IGSF22: variants seen among roughly 807,000 people sequenced by gnomAD.
The protein encoded by IGSF22 is immunoglobulin superfamily, member 22.
In IGSF22, 119 loss-of-function variants were observed where a neutral mutation model predicts 127.0. The ratio of observed to expected loss-of-function variants is 0.94; its 90% CI spans 0.81 to 1.09. The LOEUF is 1.09. Among genes scored for constraint, IGSF22 ranks in the 50% least tolerant of loss-of-function variants. The pLI is 0.00. For missense variants in IGSF22, 1,518 were observed against 1,716.6 expected, an observed-to-expected ratio of 0.88 and a Z score of 2.04; for synonymous variants, 568 against 664.7, an observed-to-expected ratio of 0.85 and a Z score of 2.24.
chr11:18,721,479 T>A, intron 4 of IGSF22, 56 bp downstream of exon 4: 1 of 1,611,662 alleles, frequency 6.2e-7, no homozygotes, highest in Middle Eastern at 1.7e-4. Flanking sequence ...CGGCCCGCCC[T>A]GGGGGTCCCT....
chr11:18,715,775 T>A, intron 10 of IGSF22, 59 bp from the exon 11 acceptor site: 1 of 1,544,278 alleles, frequency 6.5e-7, no homozygotes, highest in Non-Finnish European at 8.8e-7. Context: ...TTTCTGCAGC[T>A]ATAGAGCCAA....
chr11:18,706,293 T>C (rs1250693355), intron 21 of IGSF22, 147 bp from the exon 22 acceptor site: 2 of 794,044 alleles, frequency 2.5e-6, no homozygotes, highest in Non-Finnish European at 3.9e-6. Context: ...GTTACACTGG[T>C]TCTTAAGGGC....
intron 7 of IGSF22, among the ~76,000 whole-genome samples, chr11:18,719,309 G>A (rs1848521077): frequency 5.5e-5 from 5 of 90,608 alleles, no homozygotes; most frequent in Middle Eastern, 5.2e-3. Context: ...CACACCCAGC[G>A]GTTTTTTTTT....
chr11:18,714,101 C>A lies in IGSF22; in HGVS notation c.1846G>T (p.Ala616Ser). The A allele has an allele frequency of 1.9e-6, 3 of 1,614,184 alleles. No homozygotes were observed. The highest frequency in any genetic ancestry group is 1.7e-6 in the Non-Finnish European group (2 of 1,180,010). Residue 616 changes from alanine to serine, a missense_variant, in exon 14 of 23, where the codon GCC (alanine) becomes TCC (serine). By Grantham distance (99) the Ala-to-Ser change is moderately conservative. This residue lies in a region of IGSF22 where 1,456 missense variants were observed against 1,644.9 expected (regional missense o/e 0.89). Coordinates refer to ENST00000513874, the MANE Select transcript of IGSF22 (RefSeq NM_173588.4). ...GTGTGGCCTACCTTCACAGTGATGG[C>A]GTGCGCAGCCAGTGCCTCCAGTACT... ...PSVLEALAAH[A>S]ITVKVGHTAH... is the part of the protein sequence containing the mutation.
At chr11:18,724,038 T>C (rs1170219825) in intron 2 of IGSF22, 90 bp downstream of exon 2, 1 of 972,798 alleles carries the variant, frequency 1.0e-6, no homozygotes, top group Non-Finnish European at 1.6e-6. Flanking sequence ...GAGGGGCCCA[T>C]TAGTGGCAAA....
Position 18,722,001 on chromosome 11 carries a change from G to A in IGSF22, c.150C>T (p.Phe50=). The A allele has an allele frequency of 6.2e-7, 1 of 1,614,106 alleles. No homozygotes were observed. Among genetic ancestry groups the A allele is most frequent in the Non-Finnish European group, 8.5e-7 (1 of 1,180,038 alleles). The change falls in exon 3 of 23, where the codon TTC becomes TTT. Residue 50 remains phenylalanine, a synonymous_variant. Transcript: ENST00000513874. ...VRRKSSSIVE[F]FSLVTRSSNI... is the part of the protein sequence containing the mutation. ...TTGAGCTCCGGGTCACTAAGCTGAA[G>A]AACTCCACTATGCTCGAGGACTTCC...
chr11:18,706,180 GCCCCAA>G (rs1269851348), intron 21 of IGSF22, 34 bp from the exon 22 acceptor site: 2 of 1,504,454 alleles, frequency 1.3e-6, no homozygotes, highest in South Asian at 2.5e-5. Context: ...CCGTGAGGGC[GCCCCAA>G]GGCCCCCACC....
In IGSF22 at chr11:18,709,268, A is replaced by G; in HGVS notation, c.2998+119T>C. Reference sequence around the variant, plus strand: ...CTAACTTTGTCCAGGCACAACAACTATGGATGACTTTTTCATGATCCTAGC... The same window carrying G: ...CTAACTTTGTCCAGGCACAACAACTGTGGATGACTTTTTCATGATCCTAGC... On this transcript the variant is annotated intron_variant, in intron 18 of 22. Transcript: ENST00000513874. This position sits in a 1 kb window ranked among gnomAD's most constrained non-coding sequence, Gnocchi z 4.8. 3 of 1,071,692 alleles carry G rather than the reference A, an allele frequency of 2.8e-6. No homozygotes were observed. Among genetic ancestry groups the G allele is most frequent in the Non-Finnish European group, 4.0e-6 (3 of 745,612 alleles). 66.4% of individuals were successfully genotyped at this position (1,071,692 alleles called of 1,614,324 possible).
At chr11:18,718,195 C>A in intron 8 of IGSF22, 102 bp from the exon 9 acceptor site, 1 of 1,070,714 alleles carries the variant, frequency 9.3e-7, no homozygotes, top group South Asian at 1.5e-5. Flanking sequence ...GGTGCATGTC[C>A]AACCCTCTAA....
chr11:18,719,608 G>T, intron 7 of IGSF22, 108 bp downstream of exon 7: 1 of 1,047,086 alleles, frequency 9.6e-7, no homozygotes, highest in Non-Finnish European at 1.4e-6. Flanking sequence ...CTGAGTATGT[G>T]TGTGCAGAAC....
intron 2 of IGSF22, among the ~76,000 whole-genome samples, chr11:18,723,765 T>C (rs930229492): frequency 2.0e-5 from 3 of 152,246 alleles, no homozygotes; most frequent in Non-Finnish European, 2.9e-5. Context: ...ATTACTGATA[T>C]GTAGATAAGG....
Position 18,713,920 on chromosome 11 carries a change from C to T in IGSF22, c.2027G>A (p.Gly676Asp), listed in dbSNP as rs1564871368. 3 of 1,614,246 alleles carry T rather than the reference C, an allele frequency of 1.9e-6. No homozygotes were observed. In the Admixed American group the frequency reaches 5.0e-5, roughly 27 times the overall value. Reference protein sequence around the residue: ...TISNCVREDSGLILLKLKNDH... With the variant: ...TISNCVREDSDLILLKLKNDH... ...ATTCTTGAGCTTGAGCAGGATGAGG[C>T]CGCTGTCTTCACGCACACAGTTGGA... The change falls in exon 14 of 23, where the codon GGC becomes GAC. Residue 676 changes from glycine (G) to aspartate (D), a missense_variant. Gly to Asp is a moderately conservative substitution (Grantham distance 94). This residue lies in a region of IGSF22 where 1,456 missense variants were observed against 1,644.9 expected (regional missense o/e 0.89). Transcript: ENST00000513874.
At position 18,721,964 on chromosome 11, in the gene IGSF22, C is replaced by T. The variant is rs200152516; in HGVS notation, c.187G>A (p.Gly63Ser). Residue 63 changes from glycine (G) to serine (S), a missense_variant, in exon 3 of 23, where the codon GGC (glycine) becomes AGC (serine). Transcript: ENST00000513874. ...LVTRSSNIPAGDSVPEFVEKP... is the reference protein window; with the variant it reads ...LVTRSSNIPASDSVPEFVEKP... ...TCCACGAACTCAGGGACGCTGTCGC[C>T]CGCAGGGATGTTTGAGCTCCGGGTC... The T allele has an allele frequency of 4.5e-4, 727 of 1,613,908 alleles. No individual in the cohort carries two copies. Among genetic ancestry groups the T allele is most frequent in the Non-Finnish European group, 4.1e-4 (479 of 1,180,046 alleles).
At chr11:18,704,581 C>T (rs377545207) in intron 22 of IGSF22, 43 bp from the exon 23 acceptor site, 86 of 1,265,552 alleles carry the variant, frequency 6.8e-5, no homozygotes, top group Non-Finnish European at 8.4e-5. Context: ...ATGATGCTGG[C>T]GACCAGGGAA....
chr11:18,706,416 A>G, intron 21 of IGSF22: 1 of 507,420 alleles, frequency 2.0e-6, no homozygotes, highest in Non-Finnish European at 3.5e-6. Context: ...ATGTCATTCC[A>G]GCGCCAGCTT....
rs1848312296 is a variant in IGSF22, at chr11:18,709,565, C to T, written c.2820G>A (p.Arg940=). ...TGGACCACTCCTTTGTGTCTTCAGC[C>T]CTCATCTCAAGGATGTAGCCAGAGG... ...DPPSGYILEM[R]AEDTKEWSKC... is the part of the protein sequence containing the mutation. The change falls in exon 18 of 23, where the codon AGG becomes AGA. Residue 940 remains arginine, a synonymous_variant. Coordinates refer to ENST00000513874, the MANE Select transcript of IGSF22 (RefSeq NM_173588.4). The surrounding 1 kb of genome is among the most constrained non-coding windows in gnomAD (Gnocchi z 4.8). The T allele has an allele frequency of 6.2e-7, 1 of 1,614,084 alleles. No homozygotes were observed. Among genetic ancestry groups the T allele is most frequent in the Non-Finnish European group, 8.5e-7 (1 of 1,180,052 alleles).
chr11:18,718,771 C>T, intron 7 of IGSF22, 43 bp from the exon 8 acceptor site: 2 of 1,204,094 alleles, frequency 1.7e-6, no homozygotes, highest in Non-Finnish European at 2.4e-6. Context: ...CAGTGGTACC[C>T]AAAGCCTGCC....
intron 1 of IGSF22, among the ~76,000 whole-genome samples, chr11:18,724,587 AAGG>A (rs1340141828): frequency 2.0e-5 from 3 of 152,098 alleles, no homozygotes; most frequent in Non-Finnish European, 4.4e-5. Context: ...ACATGGCACT[AAGG>A]AGGCAGTGCT....
At chr11:18,718,231 A>G in intron 8 of IGSF22, 138 bp from the exon 9 acceptor site, 4 of 770,008 alleles carry the variant, frequency 5.2e-6, no homozygotes, top group Non-Finnish European at 6.2e-6. Context: ...TGATCTCTAT[A>G]GCCTCATCAT....
Sources: allele counts gnomAD v4.1 joint callset (sites outside exome capture counted in the v4.1 genomes callset), GRCh38; gene constraint gnomAD v4.1.1; regional missense constraint gnomAD v4.1.1; non-coding constraint Gnocchi (gnomAD v3.1); transcripts MANE v1.5; gene names NCBI Gene and HGNC (gene_info 2026-07-23, HGNC 2026-07-21).